TLL2: variants seen among roughly 807,000 people sequenced by gnomAD.
TLL2 encodes tolloid like 2.
In TLL2, 106 loss-of-function variants were observed where a neutral mutation model predicts 123.0. The observed-to-expected ratio is 0.86, with a 90% confidence interval of 0.74 to 1.01. TLL2 has a LOEUF of 1.01. TLL2 is among the 50% of genes least tolerant of loss of function. TLL2 has a pLI of 0.00. For synonymous variants in TLL2, 494 were observed against 516.8 expected (o/e 0.96, Z 0.60); for missense variants, 1,332 against 1,336.7 (o/e 1.00, Z 0.06).
At position 96,413,330 on chromosome 10, in the gene TLL2, A is replaced by G; in HGVS notation, c.924-14T>C. On this transcript the variant is annotated splice_polypyrimidine_tract_variant and intron_variant, in intron 7 of 20. Transcript: ENST00000357947. ...AAGAAAACTCCTCTACAGGAAGGAAAAAAGACAGAAAAAGAAAAGTCAAGG... is the reference window on the plus strand; with the variant it reads ...AAGAAAACTCCTCTACAGGAAGGAAGAAAGACAGAAAAAGAAAAGTCAAGG... 1.2e-6 allele frequency: 2 copies of G among 1,609,264 alleles called. No homozygotes were observed. Among genetic ancestry groups the G allele is most frequent in the Non-Finnish European group, 1.7e-6 (2 of 1,176,086 alleles).
intron 3 of TLL2, among the ~76,000 whole-genome samples, chr10:96,445,278 AG>A (rs2134086875): frequency 6.6e-6 from 1 of 152,370 alleles, no homozygotes; most frequent in Non-Finnish European, 1.5e-5. Context: ...TGCAGGATGC[AG>A]GCCAGACGGG....
intron 2 of TLL2, among the ~76,000 whole-genome samples, chr10:96,479,776 A>T (rs1847293498): frequency 6.6e-6 from 1 of 152,144 alleles, no homozygotes; most frequent in Non-Finnish European, 1.5e-5. Context: ...GCCCACCCCA[A>T]AGGGCTGCCC....
chr10:96,381,163 C>A (rs1205306937), intron 16 of TLL2, among the ~76,000 whole-genome samples: 1 of 152,152 alleles, frequency 6.6e-6, no homozygotes, highest in Non-Finnish European at 1.5e-5. Context: ...CTGTGAGGCT[C>A]TGCTACATCC....
chr10:96,394,392 C>A (rs1315273610), intron 13 of TLL2, among the ~76,000 whole-genome samples: 1 of 152,168 alleles, frequency 6.6e-6, no homozygotes, highest in African/African-American at 2.4e-5. Context: ...GGCCTGACAG[C>A]AGAGAAGGAG....
intron 7 of TLL2, among the ~76,000 whole-genome samples, chr10:96,415,274 A>G (rs1198207285): frequency 6.6e-6 from 1 of 152,150 alleles, no homozygotes; most frequent in African/African-American, 2.4e-5. Context: ...GCCCTTGCAC[A>G]TGCTATCCGC....
intron 1 of TLL2, among the ~76,000 whole-genome samples, chr10:96,490,531 C>T (rs1210908327): frequency 6.6e-6 from 1 of 152,152 alleles, no homozygotes; most frequent in Non-Finnish European, 1.5e-5. Flanking sequence ...CAATGAATGA[C>T]GTTGAAGCAA....
chr10:96,480,284 T>C (rs1294151193), intron 2 of TLL2, 65 bp downstream of exon 2: 2 of 1,366,690 alleles, frequency 1.5e-6, no homozygotes, highest in Non-Finnish European at 2.1e-6. Flanking sequence ...GTGGACCACA[T>C]CTCCCCCTGC....
chr10:96,452,817 C>T (rs1039361552), intron 2 of TLL2, among the ~76,000 whole-genome samples: 1 of 152,152 alleles, frequency 6.6e-6, no homozygotes, highest in African/African-American at 2.4e-5. Context: ...ACACATCAAT[C>T]AGGTGAAGTA....
In TLL2 at chr10:96,397,212, C is replaced by T; in HGVS notation, c.1358G>A (p.Gly453Asp). 6.2e-7 allele frequency: 1 copy of T among 1,613,832 alleles called. No individual in the cohort carries two copies. Among genetic ancestry groups the T allele is most frequent in the South Asian group, 1.1e-5 (1 of 91,052 alleles). The change falls in exon 11 of 21, where the codon GGC (glycine) becomes GAC (aspartate). Residue 453 changes from glycine (G) to aspartate (D), a missense_variant. By Grantham distance (94) the Gly-to-Asp change is moderately conservative. Transcript: ENST00000357947. The stretch of plus-strand genomic sequence containing the variant: ...TTCGTACGCTGCAAAGAAGCCCTTG[C>T]CCAAGATGTTGCTGCTGCTGCGGAA... ...VEFRSSSNIL[G>D]KGFFAAYEAT...
At chr10:96,475,127 G>C (rs1002249106) in intron 2 of TLL2, among the ~76,000 whole-genome samples, 12 of 152,234 alleles carry the variant, frequency 7.9e-5, no homozygotes, top group African/African-American at 2.9e-4. Context: ...ACCCACTACA[G>C]TGGTCACAAG....
intron 3 of TLL2, among the ~76,000 whole-genome samples, chr10:96,439,693 C>T (rs976885353): frequency 1.3e-5 from 2 of 152,058 alleles, no homozygotes; most frequent in African/African-American, 4.8e-5. Context: ...TAACGGGTTC[C>T]TACTCATCTA....
intron 9 of TLL2, among the ~76,000 whole-genome samples, chr10:96,408,110 G>A (rs999721446): frequency 6.6e-6 from 1 of 152,168 alleles, no homozygotes; most frequent in Non-Finnish European, 1.5e-5. Context: ...ATCCCACACC[G>A]TGCTCATATT....
At chr10:96,464,218 T>C (rs1194571918) in intron 2 of TLL2, among the ~76,000 whole-genome samples, 2 of 152,012 alleles carry the variant, frequency 1.3e-5, no homozygotes, top group Non-Finnish European at 2.9e-5. Flanking sequence ...ACCCCATCTC[T>C]ACTGAAAATA....
chr10:96,506,344 C>T (rs1277968616), intron 1 of TLL2, among the ~76,000 whole-genome samples: 2 of 148,284 alleles, frequency 1.3e-5, no homozygotes, highest in African/African-American at 5.0e-5. Flanking sequence ...AGCATGGGTA[C>T]AGAACCACAA....
At chr10:96,413,062 C>G in intron 8 of TLL2, 130 bp downstream of exon 8, 1 of 1,346,134 alleles carries the variant, frequency 7.4e-7, no homozygotes, top group Non-Finnish European at 1.0e-6. Flanking sequence ...CACCTCCTAC[C>G]AGAAGGACAC....
chr10:96,488,144 C>T (rs1449053884), intron 1 of TLL2, among the ~76,000 whole-genome samples: 1 of 152,262 alleles, frequency 6.6e-6, no homozygotes, highest in Non-Finnish European at 1.5e-5. Context: ...CAGCACAGAA[C>T]TGGCACCAGG....
At chr10:96,482,747 T>C (rs1937322654) in intron 1 of TLL2, among the ~76,000 whole-genome samples, 2 of 152,220 alleles carry the variant, frequency 1.3e-5, no homozygotes, top group South Asian at 4.1e-4. Flanking sequence ...ATTGTAGTTA[T>C]GGTTACACAA....
intron 1 of TLL2, among the ~76,000 whole-genome samples, chr10:96,483,983 C>T (rs1178894864): frequency 1.3e-5 from 2 of 152,188 alleles, no homozygotes; most frequent in Non-Finnish European, 2.9e-5. Context: ...GCTGGGATTA[C>T]AGGCATGCGC....
intron 2 of TLL2, among the ~76,000 whole-genome samples, chr10:96,476,248 T>TGTTGTTGTTGTTGTTGTTG (rs1554939656): frequency 2.3e-4 from 16 of 69,244 alleles, no homozygotes; most frequent in African/African-American, 1.0e-3. Context: ...ATATTTTATT[T>TGTTGTTGTTGTTGTTGTTG]TTGTTGTTGT....
Sources: gnomAD v4.1 joint callset for allele counts (sites outside exome capture counted in the v4.1 genomes callset) on GRCh38, gnomAD v4.1.1 for gene constraint, MANE v1.5 for transcripts, NCBI Gene and HGNC (gene_info 2026-07-23, HGNC 2026-07-21) for gene names.